The following AFAP1L2 variants were observed in gnomAD, a reference collection of about 807,000 sequenced individuals.
AFAP1L2 encodes the protein actin filament-associated protein 1-like 2.
Under a neutral mutation model 99.3 loss-of-function variants are expected in AFAP1L2, and 46 were observed. The ratio of observed to expected loss-of-function variants is 0.46; its 90% confidence interval spans 0.37 to 0.59. The LOEUF is 0.59. Among genes scored for constraint, AFAP1L2 ranks in the 20% least tolerant of loss-of-function variants. AFAP1L2 has a pLI of 0.00. For synonymous variants in AFAP1L2, 397 were observed against 419.1 expected, an observed-to-expected ratio of 0.95 and a Z score of 0.64; for missense variants, 959 against 1,034.9, an observed-to-expected ratio of 0.93 and a Z score of 1.01.
chr10:114,359,183 CA>C (rs2051845200), intron 1 of AFAP1L2, among the ~76,000 whole-genome samples: 1 of 152,176 alleles, frequency 6.6e-6, no homozygotes, highest in Admixed American at 6.5e-5. Context: ...CTGAGTTGTT[CA>C]AACACTTGAC....
intron 1 of AFAP1L2, among the ~76,000 whole-genome samples, chr10:114,383,603 C>T (rs1345183677): frequency 1.3e-5 from 2 of 152,182 alleles, no homozygotes; most frequent in East Asian, 3.8e-4. Flanking sequence ...AATTACTACA[C>T]TGAACTCCTT....
chr10:114,330,464 C>G lies in AFAP1L2; in HGVS notation c.315+1339G>C, dbSNP rs367798157. On this transcript the variant is annotated intron_variant, in intron 4 of 18. Transcript: ENST00000304129. Reference sequence around the variant, plus strand: ...AAATGCTGACTCTGTCACTTACAGGCTGTGTGACATTAGGTTTCCTCACCC... The same window carrying G: ...AAATGCTGACTCTGTCACTTACAGGGTGTGTGACATTAGGTTTCCTCACCC... 7.6e-4 allele frequency among the ~76,000 whole-genome samples: 115 copies of G among 152,304 alleles called. 1 individual carries two copies. The highest frequency in any genetic ancestry group is 2.7e-3 in the African/African-American group (113 of 41,554).
rs1418167777 is a variant in AFAP1L2, at chr10:114,295,055, A to G, written c.*987T>C. ...AAAAAATGCCATCAGAGGAAAAGAC[A>G]GGGGCAGCACAAGGAACAGCACTGC... is the stretch of plus-strand genomic sequence containing the variant. On this transcript the variant is annotated 3_prime_UTR_variant, in exon 19 of 19. Transcript: ENST00000304129. The G allele has an allele frequency of 4.1e-6, 4 of 985,404 alleles. No homozygotes were observed. Among genetic ancestry groups the G allele is most frequent in the Non-Finnish European group, 4.8e-6 (4 of 829,836 alleles). 61.0% of individuals were successfully genotyped at this position (985,404 alleles called of 1,614,324 possible). A position where few individuals can be genotyped will look rare whatever the true frequency, so the allele number is the denominator to read the frequency against.
In AFAP1L2 at chr10:114,301,815, A is replaced by G. The variant is rs985257502; in HGVS notation, c.1431-350T>C. 6.0e-5 allele frequency: 19 copies of G among 319,104 alleles called. No individual in the cohort carries two copies. The East Asian group carries it at 1.3e-3, about 21-fold the overall frequency. The allele number at this position is 319,104 out of a possible 1,614,324, so 19.8% of individuals were successfully genotyped here. A position where few individuals can be genotyped will look rare whatever the true frequency, so the allele number is the denominator to read the frequency against. ...CCTTCTCATTTCATCTTCACAATAC[A>G]CTTGGGGTGGCGCAGGCCAGACACT... On this transcript the variant is annotated intron_variant, in intron 12 of 18. Coordinates refer to ENST00000304129, the MANE Select transcript of AFAP1L2 (RefSeq NM_001001936.3).
At chr10:114,389,293 A>G (rs2056866425) in intron 1 of AFAP1L2, among the ~76,000 whole-genome samples, 2 of 152,240 alleles carry the variant, frequency 1.3e-5, no homozygotes, top group African/African-American at 4.8e-5. Flanking sequence ...TATTTCAAGT[A>G]GAAATAGAGA....
At chr10:114,299,081 G>A (rs2040706998) in intron 16 of AFAP1L2, among the ~76,000 whole-genome samples, 179 bp downstream of exon 16, 1 of 152,200 alleles carries the variant, frequency 6.6e-6, no homozygotes, top group African/African-American at 2.4e-5. Flanking sequence ...CCAGGAGAAT[G>A]ACCTTTCAGA....
At chr10:114,302,263 T>A in intron 12 of AFAP1L2, 76 bp downstream of exon 12, 1 of 1,593,458 alleles carries the variant, frequency 6.3e-7, no homozygotes, top group Non-Finnish European at 8.6e-7. Context: ...CTGCTGCCCC[T>A]GACTCTGGCT....
chr10:114,285,920 G>A, the AFAP1L2 span: 1 of 1,567,890 alleles, frequency 6.4e-7, no homozygotes, highest in Non-Finnish European at 8.7e-7. Context: ...GACAGTGGGT[G>A]TTGCTGTGAT....
chr10:114,403,063 A>T (rs973062407), intron 1 of AFAP1L2, among the ~76,000 whole-genome samples: 5 of 152,234 alleles, frequency 3.3e-5, no homozygotes, highest in Admixed American at 2.6e-4. Context: ...ATAAGCGCGC[A>T]TTCAGTCATT....
chr10:114,327,147 T>TTTTATATA (rs1364666260), intron 4 of AFAP1L2, among the ~76,000 whole-genome samples: 1 of 54,572 alleles, frequency 1.8e-5, no homozygotes, highest in Non-Finnish European at 4.9e-5. Context: ...TTATATATAT[T>TTTTATATA]TATATATATA....
At chr10:114,374,022 C>T (rs494133) in intron 1 of AFAP1L2, among the ~76,000 whole-genome samples, 151,262 of 152,170 alleles carry the variant, frequency 0.99, 75,185 homozygotes, top group East Asian at 1. Flanking sequence ...CCTGCCTTCA[C>T]GGACCTTCTG....
chr10:114,350,977 G>T (rs185071610), intron 1 of AFAP1L2, among the ~76,000 whole-genome samples: 2 of 152,250 alleles, frequency 1.3e-5, no homozygotes, highest in East Asian at 3.9e-4. Context: ...CCAGAAGAGT[G>T]GCTTCATTCA....
rs945262709 is a variant in AFAP1L2, at chr10:114,295,202, T to C, written c.*840A>G. 14 of 985,742 alleles carry C rather than the reference T, an allele frequency of 1.4e-5. No homozygotes were observed. Among genetic ancestry groups the C allele is most frequent in the Non-Finnish European group, 1.7e-5 (14 of 829,872 alleles). The allele number at this position is 985,742 out of a possible 1,614,324, so 61.1% of individuals were successfully genotyped here. On this transcript the variant is annotated 3_prime_UTR_variant, in exon 19 of 19. Coordinates refer to ENST00000304129, the MANE Select transcript of AFAP1L2 (RefSeq NM_001001936.3). The stretch of plus-strand genomic sequence containing the variant: ...TATTAAATAACTCTTCCCTTAAAAA[T>C]GGCCTGACCACAGCAATGAATCTGT...
At chr10:114,308,224 T>C (rs1343828385) in intron 9 of AFAP1L2, among the ~76,000 whole-genome samples, 1 of 152,208 alleles carries the variant, frequency 6.6e-6, no homozygotes, top group Admixed American at 6.5e-5. Flanking sequence ...CAAGAAGAGA[T>C]GGAAGAACAT....
At chr10:114,331,973 C>G in intron 3 of AFAP1L2, 76 bp from the exon 4 acceptor site, 4 of 933,076 alleles carry the variant, frequency 4.3e-6, no homozygotes, top group Non-Finnish European at 4.3e-6. Context: ...CAGGAATGCC[C>G]GGTCACATGC....
intron 1 of AFAP1L2, among the ~76,000 whole-genome samples, chr10:114,350,470 A>G (rs2050295355): frequency 6.6e-6 from 1 of 152,196 alleles, no homozygotes; most frequent in Non-Finnish European, 1.5e-5. Context: ...CGGTGCTTGG[A>G]GAACATCTGC....
intron 1 of AFAP1L2, among the ~76,000 whole-genome samples, chr10:114,385,929 A>G (rs978121715): frequency 1.5e-4 from 22 of 151,718 alleles, no homozygotes; most frequent in South Asian, 4.2e-4. Flanking sequence ...GGTTCTCACC[A>G]CCCCCCGCCC....
intron 7 of AFAP1L2, among the ~76,000 whole-genome samples, chr10:114,312,117 G>A (rs1196683595): frequency 6.6e-6 from 1 of 152,158 alleles, no homozygotes; most frequent in Non-Finnish European, 1.5e-5. Context: ...AGGCTATGGG[G>A]CCAGGGGCCT....
At chr10:114,325,619 A>G (rs2046149009) in intron 4 of AFAP1L2, among the ~76,000 whole-genome samples, 1 of 152,238 alleles carries the variant, frequency 6.6e-6, no homozygotes, top group African/African-American at 2.4e-5. Flanking sequence ...CGCACTGCTG[A>G]AGGGAGCCAG....
Sources: gnomAD v4.1 joint callset for allele counts (sites outside exome capture counted in the v4.1 genomes callset) on GRCh38, gnomAD v4.1.1 for gene constraint, MANE v1.5 for transcripts, NCBI Gene and HGNC (gene_info 2026-07-23, HGNC 2026-07-21) for gene names.